RBM47: variants seen among roughly 807,000 people sequenced by gnomAD.
The protein encoded by RBM47 is RNA binding motif protein 47, also known as RNA-binding protein 47.
In RBM47, 21 loss-of-function variants were observed where a neutral mutation model predicts 47.1. The observed-to-expected ratio is 0.45, with a 90% CI of 0.32 to 0.64. RBM47 has a LOEUF of 0.64. Ranked by LOEUF, RBM47 falls within the 30% of genes least tolerant of loss-of-function variation. The pLI is 0.05. For synonymous variants in RBM47, 375 were observed against 361.7 expected (o/e 1.04, Z -0.42); for missense variants, 708 against 870.9 (o/e 0.81, Z 2.35).
intron 2 of RBM47, among the ~76,000 whole-genome samples, chr4:40,497,835 TA>T (rs1170454347): frequency 6.8e-6 from 1 of 146,882 alleles, no homozygotes; most frequent in African/African-American, 2.5e-5. Flanking sequence ...AAAAAAAAAT[TA>T]GTCAGGTGTG....
intron 2 of RBM47, among the ~76,000 whole-genome samples, chr4:40,477,040 G>A (rs1719717489): frequency 6.6e-6 from 1 of 151,968 alleles, no homozygotes; most frequent in East Asian, 1.9e-4. Flanking sequence ...TTCGAGACTC[G>A]GGCGTGGTGG....
At chr4:40,436,740 A>C (rs1712491309) in intron 4 of RBM47, 93 bp from the exon 5 acceptor site, 1 of 1,208,376 alleles carries the variant, frequency 8.3e-7, no homozygotes, top group South Asian at 1.2e-5. Context: ...TAACTGCCCC[A>C]GTCTTAATTG....
chr4:40,473,906 A>C (rs1260607944), intron 2 of RBM47, among the ~76,000 whole-genome samples: 1 of 152,240 alleles, frequency 6.6e-6, no homozygotes, highest in African/African-American at 2.4e-5. Flanking sequence ...TAATTTTACA[A>C]ATAAACACAA....
At chr4:40,478,815 A>G (rs954312970) in intron 2 of RBM47, among the ~76,000 whole-genome samples, 1 of 152,242 alleles carries the variant, frequency 6.6e-6, no homozygotes, top group African/African-American at 2.4e-5. Flanking sequence ...CTAAAAGCTA[A>G]GATATAGCCA....
intron 1 of RBM47, among the ~76,000 whole-genome samples, chr4:40,621,720 A>G (rs552572238): frequency 6.6e-6 from 1 of 152,358 alleles, no homozygotes; most frequent in East Asian, 1.9e-4. Context: ...TCTGTAGGGC[A>G]TGCGATTCAC....
chr4:40,543,631 T>TA (rs1314937704), intron 2 of RBM47: 3 of 152,054 alleles, frequency 2.0e-5, no homozygotes, highest in Non-Finnish European at 4.4e-5. Context: ...CCATCTCGAC[T>TA]AAAAATACAA....
intron 1 of RBM47, among the ~76,000 whole-genome samples, chr4:40,622,942 G>C (rs192007137): frequency 2.4e-4 from 37 of 152,292 alleles, no homozygotes; most frequent in African/African-American, 8.4e-4. Flanking sequence ...GGAGAGCGGT[G>C]AGGACAAAGG....
chr4:40,470,163 T>C (rs1161771380), intron 2 of RBM47, among the ~76,000 whole-genome samples: 1 of 152,170 alleles, frequency 6.6e-6, no homozygotes, highest in East Asian at 1.9e-4. Context: ...GTGGGGCAGT[T>C]TCTGGAGAAA....
intron 3 of RBM47, among the ~76,000 whole-genome samples, chr4:40,460,842 C>T (rs890627964): frequency 4.2e-5 from 6 of 144,214 alleles, no homozygotes; most frequent in African/African-American, 5.2e-5. Context: ...GAGCCAAGAT[C>T]GCACCACTGC....
chr4:40,440,778 T>C (rs1054394677), intron 3 of RBM47, among the ~76,000 whole-genome samples: 18 of 152,200 alleles, frequency 1.2e-4, no homozygotes, highest in Admixed American at 3.9e-4. Flanking sequence ...ATGATAATAA[T>C]AGTATTAACC....
chr4:40,438,698 G>A lies in RBM47; in HGVS notation c.196C>T (p.His66Tyr). The A allele has an allele frequency of 6.2e-7, 1 of 1,611,232 alleles. No homozygotes were observed. The highest frequency in any genetic ancestry group is 8.5e-7 in the Non-Finnish European group (1 of 1,179,054). ...AAGACCTCGCAGCCACGCTGCGGGTGCGGGCCCTCCCAGCCGGGCGGTGGG... is the reference window on the plus strand; with the variant it reads ...AAGACCTCGCAGCCACGCTGCGGGTACGGGCCCTCCCAGCCGGGCGGTGGG... ...GGPPPGWEGP[H>Y]PQRGCEVFVG... Residue 66 changes from histidine (H) to tyrosine (Y), a missense_variant, in exon 4 of 7, where the codon CAC becomes TAC. Coordinates refer to ENST00000295971, the MANE Select transcript of RBM47 (RefSeq NM_001098634.2).
At chr4:40,436,085 T>C (rs1712306716) in intron 5 of RBM47, among the ~76,000 whole-genome samples, 1 of 147,710 alleles carries the variant, frequency 6.8e-6, no homozygotes, top group Non-Finnish European at 1.5e-5. Context: ...GATAGGAGAA[T>C]GGTGTGCACC....
chr4:40,559,842 T>G (rs1007568100), intron 1 of RBM47, among the ~76,000 whole-genome samples: 3 of 152,222 alleles, frequency 2.0e-5, no homozygotes, highest in East Asian at 1.9e-4. Context: ...GCCTTGACTC[T>G]CAAGCACAAC....
intron 6 of RBM47, among the ~76,000 whole-genome samples, chr4:40,431,632 T>G (rs544061220): frequency 7.0e-6 from 1 of 143,730 alleles, no homozygotes. Flanking sequence ...CGCTCCAGCC[T>G]GGGCGACAGA....
chr4:40,612,812 A>T (rs73140370), intron 1 of RBM47, among the ~76,000 whole-genome samples: 2,970 of 152,212 alleles, frequency 0.02, 84 homozygotes, highest in African/African-American at 0.067. Context: ...CAAACCTAGA[A>T]CCCATGTCAA....
At chr4:40,504,872 T>C (rs1723878763) in intron 2 of RBM47, among the ~76,000 whole-genome samples, 1 of 152,252 alleles carries the variant, frequency 6.6e-6, no homozygotes, top group East Asian at 1.9e-4. Flanking sequence ...GTGAGTTATC[T>C]GCCAATGGCA....
chr4:40,528,949 A>AAAATAAATAAATAAAT (rs1553896750), intron 2 of RBM47, among the ~76,000 whole-genome samples: 4 of 88,594 alleles, frequency 4.5e-5, no homozygotes, highest in South Asian at 3.3e-4. Context: ...TCTCAAAAAA[A>AAAATAAATAAATAAAT]AAATAAATAA....
intron 2 of RBM47, among the ~76,000 whole-genome samples, chr4:40,495,830 G>A (rs1722489282): frequency 2.9e-5 from 1 of 34,624 alleles, no homozygotes; most frequent in East Asian, 8.1e-4. Flanking sequence ...GTCACATTGT[G>A]CGCGCTCTCT....
intron 1 of RBM47, among the ~76,000 whole-genome samples, chr4:40,619,858 T>A (rs1366205992): frequency 1.3e-5 from 2 of 152,160 alleles, no homozygotes; most frequent in Non-Finnish European, 2.9e-5. Context: ...CACTGGGTAC[T>A]TCGTATCCAG....
Sources: gnomAD v4.1 joint callset for allele counts (sites outside exome capture counted in the v4.1 genomes callset) on GRCh38, gnomAD v4.1.1 for gene constraint, MANE v1.5 for transcripts, NCBI Gene and HGNC (gene_info 2026-07-23, HGNC 2026-07-21) for gene names.